The following NCAPD3 variants were observed in gnomAD, a reference collection of about 807,000 sequenced individuals.
NCAPD3 encodes non-SMC condensin II complex subunit D3.
In NCAPD3, 105 loss-of-function variants were observed where a neutral mutation model predicts 182.9. That is an observed-to-expected ratio of 0.57 (90% CI 0.49 to 0.68). NCAPD3 has a LOEUF of 0.68. NCAPD3 is among the 30% of genes least tolerant of loss of function. NCAPD3 has a pLI of 0.00. For synonymous variants in NCAPD3, 815 were observed against 679.9 expected, an observed-to-expected ratio of 1.20 and a Z score of -3.09; for missense variants, 1,944 against 1,837.0, an observed-to-expected ratio of 1.06 and a Z score of -1.07.
Position 134,220,609 on chromosome 11 carries a change from A to T in NCAPD3, c.182T>A (p.Leu61His). 1 of 1,614,068 alleles carries T rather than the reference A, an allele frequency of 6.2e-7. No homozygotes were observed. The change falls in exon 2 of 35, where the codon CTT becomes CAT. Residue 61 changes from leucine to histidine, a missense_variant. By Grantham distance (99) the Leu-to-His change is moderately conservative. Coordinates refer to ENST00000534548, the MANE Select transcript of NCAPD3 (RefSeq NM_015261.3). ...ATGTTCTCCAGTAGCAAAGGGTAAA[A>T]GGCTTTCATAGAGTTTTGTGAATGC... is the stretch of plus-strand genomic sequence containing the variant. ...LAAFTKLYES[L>H]LPFATGEHGS...
chr11:134,223,971 G>C, upstream of NCAPD3: 1 of 1,600,944 alleles, frequency 6.2e-7, no homozygotes, highest in Non-Finnish European at 8.5e-7. Flanking sequence ...AACTTTCAAA[G>C]CTCGCTCCCG....
At chr11:134,211,679 T>C (rs1326738347) in intron 3 of NCAPD3, among the ~76,000 whole-genome samples, 1 of 150,972 alleles carries the variant, frequency 6.6e-6, no homozygotes, top group African/African-American at 2.4e-5. Flanking sequence ...TAAAACATTA[T>C]CATGAGGAGA....
intron 27 of NCAPD3, 122 bp from the exon 28 acceptor site, chr11:134,162,013 A>G: frequency 5.2e-6 from 3 of 575,768 alleles, no homozygotes; most frequent in Non-Finnish European, 9.0e-6. Context: ...TTTGCTTTTC[A>G]TTATGATACT....
chr11:134,156,381 C>G (rs975305201), intron 32 of NCAPD3, among the ~76,000 whole-genome samples: 5 of 152,190 alleles, frequency 3.3e-5, no homozygotes, highest in Admixed American at 1.3e-4. Context: ...AGATTTAGGA[C>G]AGGAAGCATT....
intron 8 of NCAPD3, among the ~76,000 whole-genome samples, chr11:134,205,213 A>C (rs555833268): frequency 6.6e-6 from 1 of 152,316 alleles, no homozygotes; most frequent in East Asian, 1.9e-4. Context: ...ACAAAAATGT[A>C]ATCTTCATAC....
At chr11:134,183,134 G>A (rs1426317485) in intron 19 of NCAPD3, 2 of 456,234 alleles carry the variant, frequency 4.4e-6, no homozygotes, top group Admixed American at 4.7e-5. Flanking sequence ...CTGTACACAT[G>A]ATTCTTTTTC....
upstream of NCAPD3, chr11:134,223,971 G>T: frequency 6.2e-7 from 1 of 1,600,944 alleles, no homozygotes; most frequent in Non-Finnish European, 8.5e-7. Flanking sequence ...AACTTTCAAA[G>T]CTCGCTCCCG....
intron 8 of NCAPD3, 38 bp from the exon 9 acceptor site, chr11:134,205,009 A>C: frequency 1.3e-6 from 2 of 1,519,904 alleles, no homozygotes; most frequent in Non-Finnish European, 1.8e-6. Flanking sequence ...TTCACAATAC[A>C]GTCAGCGACT....
At position 134,203,596 on chromosome 11, in the gene NCAPD3, A is replaced by T; in HGVS notation, c.1468+58T>A. ...CCACAGAAAAGAACGATTCCCTTGC[A>T]GTCTATTTCTCAATGAGCACAAGAC... On this transcript the variant is annotated intron_variant, in intron 11 of 34. Transcript: ENST00000534548. 4 of 1,576,168 alleles carry T rather than the reference A, an allele frequency of 2.5e-6. No homozygotes were observed. In the South Asian group the frequency reaches 3.3e-5, roughly 13 times the overall value.
intron 2 of NCAPD3, among the ~76,000 whole-genome samples, chr11:134,218,204 C>T (rs750820843): frequency 5.2e-4 from 79 of 151,112 alleles, no homozygotes; most frequent in Admixed American, 7.9e-4. Context: ...CGAGGGTGAT[C>T]GATCACCCTA....
Position 134,152,934 on chromosome 11 carries a change from G to T in NCAPD3, c.*10C>A. 2 of 1,530,220 alleles carry T rather than the reference G, an allele frequency of 1.3e-6. No individual in the cohort carries two copies. The highest frequency in any genetic ancestry group is 1.8e-6 in the Non-Finnish European group (2 of 1,138,520). 94.8% of individuals were successfully genotyped at this position (1,530,220 alleles called of 1,614,324 possible). A position where few individuals can be genotyped will look rare whatever the true frequency, so the allele number is the denominator to read the frequency against. On this transcript the variant is annotated 3_prime_UTR_variant, in exon 35 of 35. Coordinates refer to ENST00000534548, the MANE Select transcript of NCAPD3 (RefSeq NM_015261.3). ...CTCCTGCCTGCCTGGACACTGGTGG[G>T]AGGCGCTGTTTAGTTGGCTGTTTTC...
At chr11:134,162,576 G>A (rs187563813) in intron 27 of NCAPD3, among the ~76,000 whole-genome samples, 2 of 152,204 alleles carry the variant, frequency 1.3e-5, no homozygotes, top group Admixed American at 1.3e-4. Context: ...CTCATTTAAA[G>A]TCACTAGTGT....
chr11:134,224,231 A>C, upstream of NCAPD3: 1 of 513,472 alleles, frequency 1.9e-6, no homozygotes, highest in Middle Eastern at 5.1e-4. Flanking sequence ...TTTTTCTTCA[A>C]TGGGGGAAAA....
Position 134,184,861 on chromosome 11 carries a change from C to G in NCAPD3, c.2335+42G>C. ...CACACACACACACACCTGAAATGAA[C>G]AGCAATGCATTTTCACATAAGATTC... On this transcript the variant is annotated intron_variant, in intron 18 of 34. Coordinates refer to ENST00000534548, the MANE Select transcript of NCAPD3 (RefSeq NM_015261.3). The G allele has an allele frequency of 5.5e-6, 8 of 1,451,080 alleles. No individual in the cohort carries two copies. In the Middle Eastern group the frequency reaches 1.0e-3, roughly 189 times the overall value. The allele number at this position is 1,451,080 out of a possible 1,614,324, so 89.9% of individuals were successfully genotyped here.
intron 28 of NCAPD3, among the ~76,000 whole-genome samples, chr11:134,161,182 A>T (rs1351797610): frequency 6.6e-6 from 1 of 152,186 alleles, no homozygotes; most frequent in African/African-American, 2.4e-5. Context: ...TAACTGCTGA[A>T]TTAAAGAAAA....
Position 134,196,486 on chromosome 11 carries a change from A to T in NCAPD3, c.1616-1748T>A, listed in dbSNP as rs535620574. Among the ~76,000 whole-genome samples the T allele has an allele frequency of 4.2e-3, 634 of 152,128 alleles. 4 individuals are homozygous for T. Among genetic ancestry groups the T allele is most frequent in the African/African-American group, 0.015 (607 of 41,516 alleles). ...TGGTGAAACCCTATCTCTACAAAAA[A>T]TACAAAAAAATTTGCCGGGTGTGGG... On this transcript the variant is annotated intron_variant, in intron 13 of 34. Coordinates refer to ENST00000534548, the MANE Select transcript of NCAPD3 (RefSeq NM_015261.3).
At position 134,152,865 on chromosome 11, in the gene NCAPD3, C is replaced by G. The variant is rs573543227; in HGVS notation, c.*79G>C. On this transcript the variant is annotated 3_prime_UTR_variant, in exon 35 of 35. Transcript: ENST00000534548. ...CTGCCCAAGGACTGCGGGAAGTGAT[C>G]CAGCTGCCTTCACACGGAGGACACG... 1.7e-6 allele frequency: 2 copies of G among 1,182,970 alleles called. No individual in the cohort carries two copies. The highest frequency in any genetic ancestry group is 2.3e-5 in the Admixed American group (1 of 42,996). 73.3% of individuals were successfully genotyped at this position (1,182,970 alleles called of 1,614,324 possible).
chr11:134,202,571 G>A (rs1944771585), intron 13 of NCAPD3, among the ~76,000 whole-genome samples: 1 of 151,580 alleles, frequency 6.6e-6, no homozygotes, highest in Admixed American at 6.6e-5. Flanking sequence ...TTAAGAGATG[G>A]GGTCTTGATG....
Position 134,204,755 on chromosome 11 carries a change from T to A in NCAPD3, c.1089+144A>T. 1 of 626,092 alleles carries A rather than the reference T, an allele frequency of 1.6e-6. No homozygotes were observed. 38.8% of individuals were successfully genotyped at this position (626,092 alleles called of 1,614,324 possible). A position where few individuals can be genotyped will look rare whatever the true frequency, so the allele number is the denominator to read the frequency against. ...GAACACTTTTGTCTAGGGGACCATC[T>A]AGTGAACATTAAATAAAACCACTTT... is the stretch of plus-strand genomic sequence containing the variant. On this transcript the variant is annotated intron_variant, in intron 9 of 34. Transcript: ENST00000534548. The surrounding 1 kb of genome is among the most constrained non-coding windows in gnomAD (Gnocchi z 4.3).
Sources: gnomAD v4.1 joint callset for allele counts (sites outside exome capture counted in the v4.1 genomes callset) on GRCh38, gnomAD v4.1.1 for gene constraint, Gnocchi (gnomAD v3.1) non-coding constraint, MANE v1.5 for transcripts, NCBI Gene and HGNC (gene_info 2026-07-23, HGNC 2026-07-21) for gene names.